The following LINGO2 variants were observed in gnomAD, a reference collection of about 807,000 sequenced individuals.
LINGO2 encodes leucine-rich repeat and immunoglobulin-like domain-containing nogo receptor-interacting protein 2.
Under a neutral mutation model 30.6 loss-of-function variants are expected in LINGO2, and 14 were observed. The observed-to-expected ratio is 0.46, with a 90% CI of 0.30 to 0.72. The LOEUF is 0.72. Ranked by LOEUF, LINGO2 falls within the 30% of genes least tolerant of loss-of-function variation. LINGO2 has a pLI of 0.07. For synonymous variants in LINGO2, 317 were observed against 288.5 expected (o/e 1.10, Z -1.00); for missense variants, 729 against 751.7 (o/e 0.97, Z 0.35).
intron 3 of LINGO2, among the ~76,000 whole-genome samples, chr9:28,355,153 A>G (rs896339442): frequency 5.9e-5 from 9 of 152,054 alleles, no homozygotes; most frequent in African/African-American, 2.2e-4. Context: ...CTATAATTCT[A>G]CTTACCTGTC....
intron 4 of LINGO2, among the ~76,000 whole-genome samples, chr9:28,219,861 A>T (rs1820895578): frequency 6.6e-6 from 1 of 152,206 alleles, no homozygotes; most frequent in South Asian, 2.1e-4. Context: ...TTAAAATATT[A>T]AAAATTCTAA....
intron 4 of LINGO2, among the ~76,000 whole-genome samples, chr9:28,035,917 T>C (rs76789940): frequency 0.078 from 9,847 of 126,846 alleles, 412 homozygotes; most frequent in Non-Finnish European, 0.11. Flanking sequence ...CACACACACA[T>C]GCGCTAATAT....
At chr9:28,283,541 G>A (rs1823400373) in intron 4 of LINGO2, among the ~76,000 whole-genome samples, 2 of 152,098 alleles carry the variant, frequency 1.3e-5, no homozygotes, top group Non-Finnish European at 2.9e-5. Context: ...TAATGGCATA[G>A]GGATTGGATT....
chr9:27,946,662 C>T (rs1823375496), downstream of LINGO2, among the ~76,000 whole-genome samples: 2 of 152,048 alleles, frequency 1.3e-5, no homozygotes, highest in Non-Finnish European at 2.9e-5. Flanking sequence ...TTGAAAGACC[C>T]CATTCCATTT....
chr9:29,213,526 C>G, the LINGO2 span, among the ~76,000 whole-genome samples: 1 of 152,050 alleles, frequency 6.6e-6, no homozygotes, highest in Non-Finnish European at 1.5e-5. Flanking sequence ...TTTGAGGAGG[C>G]GGCTGCAAGG....
intron 1 of LINGO2, among the ~76,000 whole-genome samples, chr9:28,480,676 A>G (rs968648186): frequency 6.6e-6 from 1 of 152,120 alleles, no homozygotes; most frequent in Non-Finnish European, 1.5e-5. Context: ...CTGGCTTCTC[A>G]GATTTCAGTC....
intron 1 of LINGO2, among the ~76,000 whole-genome samples, chr9:28,586,909 C>T (rs1824572089): frequency 6.6e-6 from 1 of 152,030 alleles, no homozygotes; most frequent in African/African-American, 2.4e-5. Context: ...TGCCATAAGC[C>T]ATTCAGGGGC....
chr9:28,181,206 C>A (rs1828901245), intron 4 of LINGO2, among the ~76,000 whole-genome samples: 1 of 152,122 alleles, frequency 6.6e-6, no homozygotes, highest in African/African-American at 2.4e-5. Flanking sequence ...ACCAGCATAT[C>A]CACTGATTTT....
intron 4 of LINGO2, among the ~76,000 whole-genome samples, chr9:28,106,900 G>T (rs10812741): frequency 0.28 from 41,867 of 151,884 alleles, 6,524 homozygotes; most frequent in South Asian, 0.51. Context: ...TTTTTCCTTC[G>T]CCTTCTTACT....
At chr9:29,128,570 G>A in the LINGO2 span, among the ~76,000 whole-genome samples, 1 of 152,102 alleles carries the variant, frequency 6.6e-6, no homozygotes, top group Non-Finnish European at 1.5e-5. Context: ...GGCCTGGTTA[G>A]CATGTGACAC....
intron 3 of LINGO2, among the ~76,000 whole-genome samples, chr9:28,330,477 A>C (rs1825379661): frequency 6.6e-6 from 1 of 152,166 alleles, no homozygotes; most frequent in Non-Finnish European, 1.5e-5. Context: ...TTGATGAGCC[A>C]ATATTGATAC....
chr9:28,507,247 G>GCC, intron 1 of LINGO2, among the ~76,000 whole-genome samples: 1 of 136,842 alleles, frequency 7.3e-6, no homozygotes, highest in East Asian at 2.3e-4. Context: ...GCGTGCGTGC[G>GCC]CACATGTGTG....
the LINGO2 span, among the ~76,000 whole-genome samples, chr9:28,848,397 G>GTGTA: frequency 7.8e-4 from 38 of 48,422 alleles, no homozygotes; most frequent in African/African-American, 2.7e-3. Context: ...GTGTGTGTGT[G>GTGTA]TATATATATA....
At chr9:29,062,539 AG>A in the LINGO2 span, among the ~76,000 whole-genome samples, 2 of 152,152 alleles carry the variant, frequency 1.3e-5, no homozygotes, top group Non-Finnish European at 2.9e-5. Flanking sequence ...ATGTGGCAAC[AG>A]GATGAACCTT....
At chr9:27,980,975 GGTCA>G (rs1820826212) in intron 5 of LINGO2, among the ~76,000 whole-genome samples, 1 of 151,836 alleles carries the variant, frequency 6.6e-6, no homozygotes, top group Admixed American at 6.6e-5. Context: ...GCAAACCACA[GGTCA>G]GTTAGGAGAG....
At chr9:28,273,622 G>T (rs1403345000) in intron 4 of LINGO2, among the ~76,000 whole-genome samples, 5 of 152,114 alleles carry the variant, frequency 3.3e-5, no homozygotes, top group African/African-American at 1.2e-4. Flanking sequence ...TATCCATTTT[G>T]TGTTTGCTTA....
chr9:28,123,568 T>G (rs1286966779), intron 4 of LINGO2, among the ~76,000 whole-genome samples: 1 of 152,236 alleles, frequency 6.6e-6, no homozygotes, highest in African/African-American at 2.4e-5. Flanking sequence ...GGAACTCATC[T>G]GGCATTCAAA....
the LINGO2 span, among the ~76,000 whole-genome samples, chr9:28,726,215 G>C: frequency 6.6e-6 from 1 of 152,002 alleles, no homozygotes; most frequent in Non-Finnish European, 1.5e-5. Flanking sequence ...GAGTCAATTT[G>C]AATATCTCAT....
In LINGO2 at chr9:28,620,178, C is replaced by G. The variant is rs75806216; in HGVS notation, c.-365+50022G>C. Among the ~76,000 whole-genome samples the G allele has an allele frequency of 8.2e-3, 1,246 of 152,142 alleles. 27 individuals are homozygous for G. The highest frequency in any genetic ancestry group is 0.036 in the East Asian group (186 of 5,164). On this transcript the variant is annotated intron_variant, in intron 1 of 5. Coordinates refer to ENST00000379992, the Ensembl canonical transcript of LINGO2. ...CATTCTCCTAACTGAGGTAAATACT[C>G]TGCATTGTTTTCTTCCCAGGTGATT... is the stretch of plus-strand genomic sequence containing the variant.
Sources: gnomAD v4.1 joint callset for allele counts (sites outside exome capture counted in the v4.1 genomes callset) on GRCh38, gnomAD v4.1.1 for gene constraint, MANE v1.5 for transcripts, NCBI Gene and HGNC (gene_info 2026-07-23, HGNC 2026-07-21) for gene names.